TNFSF15: variants seen among roughly 807,000 people sequenced by gnomAD.
TNFSF15 encodes the protein TNF superfamily member 15, also known as tumor necrosis factor ligand superfamily member 15.
TNFSF15 carries 15 observed loss-of-function variants against 26.4 expected under a neutral mutation model. That is an observed-to-expected ratio of 0.57 (90% confidence interval 0.38 to 0.87). TNFSF15 has a LOEUF of 0.87. Ranked by LOEUF, TNFSF15 falls within the 40% of genes least tolerant of loss-of-function variation. TNFSF15 has a pLI of 0.00. For synonymous variants in TNFSF15, 116 were observed against 115.0 expected, an observed-to-expected ratio of 1.01 and a Z score of -0.06; for missense variants, 290 against 306.1, an observed-to-expected ratio of 0.95 and a Z score of 0.39.
chr9:114,802,905 C>T (rs145886823), intron 1 of TNFSF15, among the ~76,000 whole-genome samples: 25 of 152,272 alleles, frequency 1.6e-4, no homozygotes, highest in East Asian at 5.8e-4. Flanking sequence ...GCTCTGTCAC[C>T]GACTAGAGGT....
Position 114,805,821 on chromosome 9 carries a change from C to G in TNFSF15, c.192G>C (p.Glu64Asp). 2 of 1,613,378 alleles carry G rather than the reference C, an allele frequency of 1.2e-6. No individual in the cohort carries two copies. The highest frequency in any genetic ancestry group is 1.1e-5 in the South Asian group (1 of 91,030). Reference sequence around the variant, plus strand: ...GGCTTACCTGGAACTGCACACAGGCCTCTCCCTGGGCCCGGAGCTGGCTGA... The same window carrying G: ...GGCTTACCTGGAACTGCACACAGGCGTCTCCCTGGGCCCGGAGCTGGCTGA... ...LLVSQLRAQG[E>D]ACVQFQALKG... Residue 64 changes from glutamate to aspartate, a missense_variant, in exon 1 of 4, where the codon GAG (glutamate) becomes GAC (aspartate). Around this residue, in one of 3 missense-constraint regions of TNFSF15, gnomAD observed 179 missense variants for 165.9 expected, o/e 1.08. Transcript: ENST00000374045.
chr9:114,792,222 TGTACAC>T lies in TNFSF15; in HGVS notation c.301+179_301+184del, dbSNP rs1471084087. 5.3e-4 allele frequency: 317 copies of T among 602,748 alleles called. No homozygotes were observed. The East Asian group carries it at 6.7e-3, about 13-fold the overall frequency. The allele number at this position is 602,748 out of a possible 1,614,324, so 37.3% of individuals were successfully genotyped here. A position where few individuals can be genotyped will look rare whatever the true frequency, so the allele number is the denominator to read the frequency against. Reference sequence around the variant, plus strand: ...GTGTGTGTGTGTATATACATATGTGTGTACACACACACACACACACACACACACACA... The same window carrying T: ...GTGTGTGTGTGTATATACATATGTGTACACACACACACACACACACACACA... On this transcript the variant is annotated intron_variant, in intron 3 of 3. Transcript: ENST00000374045.
chr9:114,784,875 C>T lies in TNFSF15; in HGVS notation c.*5577G>A, dbSNP rs748455756. 6.6e-6 allele frequency: 1 copy of T among 152,136 alleles called. No individual in the cohort carries two copies. The highest frequency in any genetic ancestry group is 1.5e-5 in the Non-Finnish European group (1 of 68,020). The allele number at this position is 152,136 out of a possible 1,614,324, so 9.4% of individuals were successfully genotyped here. A position where few individuals can be genotyped will look rare whatever the true frequency, so the allele number is the denominator to read the frequency against. ...AAGCACATGGGGTTTGTCACTAAAA[C>T]CACATAAACACCTACACTTCTTCAA... On this transcript the variant is annotated 3_prime_UTR_variant, in exon 4 of 4. Coordinates refer to ENST00000374045, the MANE Select transcript of TNFSF15 (RefSeq NM_005118.4).
intron 1 of TNFSF15, among the ~76,000 whole-genome samples, chr9:114,802,530 C>T (rs1829762231): frequency 6.6e-6 from 1 of 152,224 alleles, no homozygotes; most frequent in South Asian, 2.1e-4. Context: ...GGATTACAGG[C>T]ATGAGCCACT....
rs761388330 is a variant in TNFSF15 at position 114,805,870 on chromosome 9, G to A, written c.143C>T (p.Ala48Val). The change falls in exon 1 of 4, where the codon GCA becomes GTA. Residue 48 changes from alanine (A) to valine (V), a missense_variant. This residue lies in a region of TNFSF15 where 179 missense variants were observed against 165.9 expected (regional missense o/e 1.08). Coordinates refer to ENST00000374045, the MANE Select transcript of TNFSF15 (RefSeq NM_005118.4). The stretch of plus-strand genomic sequence containing the variant: ...GACAAGCAGGTATGTGGTGAGTCCT[G>A]CAAGGAAGGGGAGCAACACCAGGCA... The part of the protein sequence containing the change: ...TCCLVLLPFL[A>V]GLTTYLLVSQ... 5 of 1,613,924 alleles carry A rather than the reference G, an allele frequency of 3.1e-6. No homozygotes were observed. The Admixed American group carries it at 5.0e-5, about 16-fold the overall frequency.
chr9:114,803,283 TG>T (rs1434039120), intron 1 of TNFSF15, among the ~76,000 whole-genome samples: 2 of 152,190 alleles, frequency 1.3e-5, no homozygotes, highest in Non-Finnish European at 2.9e-5. Flanking sequence ...ACAGCCACCA[TG>T]TGCATGCGGC....
intron 1 of TNFSF15, among the ~76,000 whole-genome samples, chr9:114,805,207 A>G (rs978372850): frequency 6.6e-6 from 1 of 152,224 alleles, no homozygotes; most frequent in Non-Finnish European, 1.5e-5. Context: ...CAAGAAAAAG[A>G]GTGGGTAAAG....
intron 1 of TNFSF15, among the ~76,000 whole-genome samples, chr9:114,799,259 C>T (rs1203921202): frequency 2.6e-5 from 4 of 152,180 alleles, no homozygotes; most frequent in East Asian, 1.9e-4. Context: ...ACTGTTTCCT[C>T]GTCAATAAAA....
At chr9:114,804,466 T>C (rs1829790459) in intron 1 of TNFSF15, among the ~76,000 whole-genome samples, 1 of 152,182 alleles carries the variant, frequency 6.6e-6, no homozygotes, top group Non-Finnish European at 1.5e-5. Context: ...GAACCTGTCA[T>C]GCCTCTGGGC....
Position 114,792,712 on chromosome 9 carries a change from C to T in TNFSF15, c.254-258G>A, listed in dbSNP as rs56136899. Among the ~76,000 whole-genome samples the T allele has an allele frequency of 3.6e-4, 55 of 152,298 alleles. No individual in the cohort carries two copies. In the East Asian group the frequency reaches 9.6e-3, roughly 27 times the overall value. On this transcript the variant is annotated intron_variant, in intron 2 of 3. Transcript: ENST00000374045. ...CATGGCTTTGGGCAAGTTTATCTAG[C>T]CTGCCTGAGACCCTGTTTTCTCATC...
chr9:114,792,276 G>A, intron 3 of TNFSF15, 131 bp downstream of exon 3: 1 of 1,025,020 alleles, frequency 9.8e-7, no homozygotes, highest in South Asian at 1.6e-5. Flanking sequence ...CTGGAATATT[G>A]AGGGGAGGAG....
At chr9:114,796,649 A>AT (rs1253536555) in intron 1 of TNFSF15, among the ~76,000 whole-genome samples, 1 of 152,202 alleles carries the variant, frequency 6.6e-6, no homozygotes, top group African/African-American at 2.4e-5. Flanking sequence ...AAAAGAGGTA[A>AT]TGACTATTCC....
rs984155632 is a variant in TNFSF15, at chr9:114,790,178, T to G, written c.*274A>C. On this transcript the variant is annotated 3_prime_UTR_variant, in exon 4 of 4. Coordinates refer to ENST00000374045, the MANE Select transcript of TNFSF15 (RefSeq NM_005118.4). ...CCGAGTAGATCATCCATTCATTTAGTGATCAGTGTCTTAATATTTAGAAAC... is the reference window on the plus strand; with the variant it reads ...CCGAGTAGATCATCCATTCATTTAGGGATCAGTGTCTTAATATTTAGAAAC... The G allele has an allele frequency of 9.7e-6, 3 of 310,332 alleles. No individual in the cohort carries two copies. Among genetic ancestry groups the G allele is most frequent in the Non-Finnish European group, 1.8e-5 (3 of 168,036 alleles). 19.2% of individuals were successfully genotyped at this position (310,332 alleles called of 1,614,324 possible).
At chr9:114,792,747 A>G (rs1403703996) in intron 2 of TNFSF15, among the ~76,000 whole-genome samples, 6 of 152,204 alleles carry the variant, frequency 3.9e-5, no homozygotes, top group African/African-American at 1.4e-4. Context: ...CTCATCTAAG[A>G]TGGGCACAGT....
Position 114,788,186 on chromosome 9 carries a change from A to G in TNFSF15, c.*2266T>C, listed in dbSNP as rs1171079757. On this transcript the variant is annotated 3_prime_UTR_variant, in exon 4 of 4. Coordinates refer to ENST00000374045, the MANE Select transcript of TNFSF15 (RefSeq NM_005118.4). ...TGAGGGAATATTCTCCTATCAAGCA[A>G]GTTTTGGAGTTACTGAGAAATCTTT... 1.9e-5 allele frequency: 3 copies of G among 153,924 alleles called. No individual in the cohort carries two copies. In the East Asian group the frequency reaches 5.8e-4, roughly 30 times the overall value. The allele number at this position is 153,924 out of a possible 1,614,324, so 9.5% of individuals were successfully genotyped here.
At chr9:114,805,290 A>G (rs144513274) in intron 1 of TNFSF15, among the ~76,000 whole-genome samples, 9 of 152,352 alleles carry the variant, frequency 5.9e-5, no homozygotes, top group Middle Eastern at 3.4e-3. Flanking sequence ...GCATATAAAT[A>G]AAATCATAAT....
At chr9:114,795,550 C>A (rs1400365598) in intron 1 of TNFSF15, among the ~76,000 whole-genome samples, 1 of 152,192 alleles carries the variant, frequency 6.6e-6, no homozygotes, top group Non-Finnish European at 1.5e-5. Context: ...GTATCACAAG[C>A]AATCTATGGA....
Position 114,785,534 on chromosome 9 carries a change from C to T in TNFSF15, c.*4918G>A, listed in dbSNP as rs1587894915. 6.6e-6 allele frequency: 1 copy of T among 152,354 alleles called. No individual in the cohort carries two copies. The highest frequency in any genetic ancestry group is 1.9e-4 in the East Asian group (1 of 5,186). 9.4% of individuals were successfully genotyped at this position (152,354 alleles called of 1,614,324 possible). ...CCTCAGAGATCCTTTGGCTTAATCTCTCCCCCAACCTCTGTGAAGAATAGC... is the reference window on the plus strand; with the variant it reads ...CCTCAGAGATCCTTTGGCTTAATCTTTCCCCCAACCTCTGTGAAGAATAGC... On this transcript the variant is annotated 3_prime_UTR_variant, in exon 4 of 4. Transcript: ENST00000374045.
At chr9:114,791,526 G>T in intron 3 of TNFSF15, 1 of 169,868 alleles carries the variant, frequency 5.9e-6, no homozygotes, top group Admixed American at 6.3e-5. Context: ...CCAATGTCTT[G>T]GGCCACAAGG....
Sources: allele counts gnomAD v4.1 joint callset (sites outside exome capture counted in the v4.1 genomes callset), GRCh38; gene constraint gnomAD v4.1.1; regional missense constraint gnomAD v4.1.1; transcripts MANE v1.5; gene names NCBI Gene and HGNC (gene_info 2026-07-23, HGNC 2026-07-21).